RAD51B: variants seen among roughly 807,000 people sequenced by gnomAD.
The protein encoded by RAD51B is DNA repair protein RAD51 homolog 2.
In RAD51B, 38 loss-of-function variants were observed where a neutral mutation model predicts 42.2. The observed-to-expected ratio is 0.90, with a 90% confidence interval of 0.70 to 1.18. The LOEUF is 1.18. RAD51B is among the 50% of genes most tolerant of loss of function. RAD51B has a pLI of 0.00. For synonymous variants in RAD51B, 154 were observed against 145.2 expected (o/e 1.06, Z -0.43); for missense variants, 373 against 400.7 (o/e 0.93, Z 0.59).
chr14:68,020,347 G>A (rs923766086), intron 7 of RAD51B, among the ~76,000 whole-genome samples: 3 of 152,296 alleles, frequency 2.0e-5, no homozygotes, highest in South Asian at 2.1e-4. Flanking sequence ...CTGAGCTCAA[G>A]CAATCTGCCC....
intron 7 of RAD51B, among the ~76,000 whole-genome samples, chr14:68,037,861 A>G (rs2076158714): frequency 6.6e-6 from 1 of 152,210 alleles, no homozygotes; most frequent in Admixed American, 6.5e-5. Context: ...CTGAGCTTTG[A>G]AGACTTAACT....
chr14:68,252,678 A>G (rs2080662182), intron 7 of RAD51B, among the ~76,000 whole-genome samples: 2 of 152,252 alleles, frequency 1.3e-5, no homozygotes, highest in African/African-American at 4.8e-5. Flanking sequence ...CTGAATATAT[A>G]CATACAAACC....
At chr14:68,305,332 G>A (rs2081837746) in intron 8 of RAD51B, among the ~76,000 whole-genome samples, 1 of 152,186 alleles carries the variant, frequency 6.6e-6, no homozygotes, top group African/African-American at 2.4e-5. Flanking sequence ...CCATAAGAAC[G>A]GTATCAGGCT....
At chr14:68,304,265 G>T (rs1193538306) in intron 8 of RAD51B, among the ~76,000 whole-genome samples, 1 of 152,014 alleles carries the variant, frequency 6.6e-6, no homozygotes, top group Non-Finnish European at 1.5e-5. Context: ...TATGCGTCAG[G>T]CACTATACTA....
chr14:68,677,572 T>C (rs1893337399), intron 11 of RAD51B, among the ~76,000 whole-genome samples: 1 of 152,190 alleles, frequency 6.6e-6, no homozygotes, highest in Admixed American at 6.5e-5. Flanking sequence ...ACCCTGTAGT[T>C]CTCAACTCAG....
chr14:67,914,134 C>T (rs1266035874), intron 7 of RAD51B, among the ~76,000 whole-genome samples: 1 of 152,012 alleles, frequency 6.6e-6, no homozygotes, highest in Non-Finnish European at 1.5e-5. Flanking sequence ...AGGTGCATAC[C>T]ACCACGCTTG....
chr14:67,896,493 G>A (rs2043423080), intron 7 of RAD51B, among the ~76,000 whole-genome samples: 1 of 152,178 alleles, frequency 6.6e-6, no homozygotes, highest in Admixed American at 6.5e-5. Flanking sequence ...TGTACACATA[G>A]TATTACTGTA....
chr14:68,461,839 G>A (rs543240106), intron 9 of RAD51B, among the ~76,000 whole-genome samples: 22 of 152,196 alleles, frequency 1.4e-4, no homozygotes, highest in Non-Finnish European at 2.6e-4. Flanking sequence ...TTTACAAGGA[G>A]AAGCCCATGG....
At position 68,341,389 on chromosome 14, in the gene RAD51B, T is replaced by A. The variant is rs541074333; in HGVS notation, c.853+49409T>A. Among the ~76,000 whole-genome samples, 5 of 152,320 alleles carry A rather than the reference T, an allele frequency of 3.3e-5. No homozygotes were observed. The East Asian group carries it at 9.6e-4, about 29-fold the overall frequency. Reference sequence around the variant, plus strand: ...AAAGTGGTCAGGGTTTTCATAAAGTTTTGTGGAAGTCTGAACCTTATTTTC... The same window carrying A: ...AAAGTGGTCAGGGTTTTCATAAAGTATTGTGGAAGTCTGAACCTTATTTTC... On this transcript the variant is annotated intron_variant, in intron 8 of 10. Transcript: ENST00000471583.
At chr14:68,486,035 T>A (rs1883598427) in intron 10 of RAD51B, among the ~76,000 whole-genome samples, 1 of 152,258 alleles carries the variant, frequency 6.6e-6, no homozygotes, top group Non-Finnish European at 1.5e-5. Context: ...CCTCATCAGA[T>A]GGCTAAAAGC....
At chr14:68,211,905 C>A (rs1052028648) in intron 7 of RAD51B, among the ~76,000 whole-genome samples, 11 of 152,214 alleles carry the variant, frequency 7.2e-5, no homozygotes, top group Admixed American at 5.9e-4. Context: ...AGTTCTATAG[C>A]AAATGCCTCC....
intron 4 of RAD51B, among the ~76,000 whole-genome samples, chr14:67,856,549 G>A (rs2139962580): frequency 6.6e-6 from 1 of 152,220 alleles, no homozygotes; most frequent in South Asian, 2.1e-4. Flanking sequence ...CATGCTCACT[G>A]GTTTCAGATC....
chr14:68,125,704 C>G (rs1049859554), intron 7 of RAD51B, among the ~76,000 whole-genome samples: 2 of 151,684 alleles, frequency 1.3e-5, no homozygotes, highest in Non-Finnish European at 2.9e-5. Flanking sequence ...TGTCTCACTT[C>G]TGGAGCCATT....
intron 7 of RAD51B, among the ~76,000 whole-genome samples, chr14:68,214,268 C>G (rs2079769393): frequency 6.6e-6 from 1 of 152,112 alleles, no homozygotes; most frequent in Non-Finnish European, 1.5e-5. Context: ...TTGAAGTGGG[C>G]TGAAACAAAA....
chr14:68,478,060 G>C lies in RAD51B; in HGVS notation c.*396G>C. ...ACTAACAAGATTTGTAATTACAGGA[G>C]GGAACATTTCCGAATAAAGTATTGT... On this transcript the variant is annotated 3_prime_UTR_variant, in exon 11 of 11. Transcript: ENST00000471583. 2 of 1,071,472 alleles carry C rather than the reference G, an allele frequency of 1.9e-6. No homozygotes were observed. Among genetic ancestry groups the C allele is most frequent in the Non-Finnish European group, 2.3e-6 (2 of 884,110 alleles). The allele number at this position is 1,071,472 out of a possible 1,614,324, so 66.4% of individuals were successfully genotyped here.
At chr14:68,170,748 T>C (rs959039) in intron 7 of RAD51B, among the ~76,000 whole-genome samples, 125,894 of 152,188 alleles carry the variant, frequency 0.83, 52,279 homozygotes, top group East Asian at 0.98. Flanking sequence ...ACAACTGTAA[T>C]ATGAATTCTA....
intron 4 of RAD51B, among the ~76,000 whole-genome samples, chr14:67,849,517 A>G (rs1408612730): frequency 6.6e-6 from 1 of 152,202 alleles, no homozygotes; most frequent in Non-Finnish European, 1.5e-5. Context: ...TCCTGATCTC[A>G]GGTGATCCTC....
chr14:68,069,200 T>C (rs2076702049), intron 7 of RAD51B, among the ~76,000 whole-genome samples: 2 of 152,202 alleles, frequency 1.3e-5, no homozygotes, highest in Admixed American at 6.5e-5. Flanking sequence ...ATCAGAGCTA[T>C]GGTTTATAAA....
At chr14:68,143,058 A>G (rs1322874014) in intron 7 of RAD51B, among the ~76,000 whole-genome samples, 1 of 151,858 alleles carries the variant, frequency 6.6e-6, no homozygotes, top group Non-Finnish European at 1.5e-5. Flanking sequence ...ATGGAGTCCT[A>G]AAGGAACACT....
Sources: gnomAD v4.1 joint callset for allele counts (sites outside exome capture counted in the v4.1 genomes callset) on GRCh38, gnomAD v4.1.1 for gene constraint, MANE v1.5 for transcripts, NCBI Gene and HGNC (gene_info 2026-07-23, HGNC 2026-07-21) for gene names.